Variants in MCF2 observed in about 807,000 individuals in gnomAD.
MCF2 encodes MCF.2 cell line derived transforming sequence, also known as proto-oncogene DBL.
In MCF2, 44 loss-of-function variants were observed where a neutral mutation model predicts 82.5. The observed-to-expected ratio is 0.53, with a 90% CI of 0.42 to 0.69. The LOEUF is 0.69. Ranked by LOEUF, MCF2 falls within the 30% of genes least tolerant of loss-of-function variation. MCF2 has a pLI of 0.00. For missense variants in MCF2, 623 were observed against 663.1 expected, an observed-to-expected ratio of 0.94 and a Z score of 0.66; for synonymous variants, 217 against 224.9, an observed-to-expected ratio of 0.96 and a Z score of 0.32.
At chrX:139,624,538 A>C (rs1488077172) in intron 6 of MCF2, among the ~76,000 whole-genome samples, 1 of 110,102 alleles carries the variant, frequency 9.1e-6, no homozygotes, top group African/African-American at 3.3e-5. Context: ...TCTCAAAAAA[A>C]AAAAAAAAGG....
intron 22 of MCF2, 89 bp downstream of exon 26, chrX:139,587,627 G>C (rs1929090685): frequency 1.6e-6 from 1 of 611,740 alleles, no homozygotes; most frequent in East Asian, 3.4e-5. Flanking sequence ...GATGGTTCTT[G>C]TCAGAGATAC....
At chrX:139,589,766 G>C in intron 20 of MCF2, 69 bp downstream of exon 24, 1 of 760,073 alleles carries the variant, frequency 1.3e-6, no homozygotes, top group Non-Finnish European at 2.0e-6. Context: ...AATTATTTTT[G>C]TTTATAAATT....
At chrX:139,598,344 T>C in intron 17 of MCF2, 62 bp downstream of exon 21, 1 of 748,072 alleles carries the variant, frequency 1.3e-6, no homozygotes, top group Non-Finnish European at 2.0e-6. Context: ...ATTTCCTTTT[T>C]AATGGCTCTG....
chrX:139,652,422 A>G (rs978838673), intron 1 of MCF2, among the ~76,000 whole-genome samples: 42 of 111,526 alleles, frequency 3.8e-4, no homozygotes, highest in African/African-American at 1.3e-3. Flanking sequence ...ACAAGGTACC[A>G]TGCAAACTAA....
chrX:139,632,494 G>T (rs750551106), intron 1 of MCF2, 40 bp from the exon 5 acceptor site: 2 of 1,143,243 alleles, frequency 1.7e-6, no homozygotes, highest in South Asian at 2.0e-5. Flanking sequence ...AAAAAAAATT[G>T]TCAACACACA....
intron 1 of MCF2, among the ~76,000 whole-genome samples, chrX:139,676,190 T>C (rs771527466): frequency 2.7e-5 from 3 of 112,397 alleles, no homozygotes; most frequent in African/African-American, 9.7e-5. Context: ...AGCACAGTAT[T>C]TGGGCGGGAG....
intron 7 of MCF2, 60 bp downstream of exon 10, chrX:139,619,527 C>T: frequency 1.1e-6 from 1 of 899,010 alleles, no homozygotes; most frequent in East Asian, 3.5e-5. Context: ...ACTACCTACT[C>T]CCGCCAAAAC....
intron 15 of MCF2, among the ~76,000 whole-genome samples, chrX:139,604,178 G>T (rs1930789518): frequency 9.0e-6 from 1 of 111,620 alleles, no homozygotes; most frequent in Non-Finnish European, 1.9e-5. Context: ...TTTGTTGAAT[G>T]AAAAGAACTG....
chrX:139,616,597 TAA>T (rs370918316), intron 8 of MCF2, 124 bp from the exon 12 acceptor site: 48 of 285,273 alleles, frequency 1.7e-4, no homozygotes, highest in African/African-American at 2.9e-4. Flanking sequence ...TCAGAGCTGT[TAA>T]AAAAAAAAAA....
chrX:139,614,160 A>T (rs982710483), intron 10 of MCF2, among the ~76,000 whole-genome samples: 1 of 111,236 alleles, frequency 9.0e-6, no homozygotes, highest in Non-Finnish European at 1.9e-5. Context: ...GGAACCCCTG[A>T]GCCATCCATA....
At chrX:139,596,065 T>G (rs1270404942) in intron 19 of MCF2, among the ~76,000 whole-genome samples, 1 of 110,279 alleles carries the variant, frequency 9.1e-6, no homozygotes, top group Non-Finnish European at 1.9e-5. Context: ...AGCTAGGGAG[T>G]GGAGGAGGAA....
intron 1 of MCF2, among the ~76,000 whole-genome samples, chrX:139,636,563 G>A (rs1244256030): frequency 2.7e-5 from 3 of 110,785 alleles, no homozygotes; most frequent in Non-Finnish European, 5.7e-5. Context: ...GGGAGGAGGG[G>A]ATGGGAGGAT....
chrX:139,585,068 T>C (rs1240331741), exon 24 of MCF2: 1 of 1,164,965 alleles, frequency 8.6e-7, no homozygotes, highest in Non-Finnish European at 1.2e-6. Context: ...TTACTAACCA[T>C]GAGGGGCCTA....
Position 139,622,755 on chromosome X carries a change from T to G in MCF2, c.688-3049A>C, listed in dbSNP as rs184806129. On this transcript the variant is annotated intron_variant, in intron 6 of 24. Coordinates refer to ENST00000370576, the Ensembl canonical transcript of MCF2. ...GTGGGGTGGGGGGCGAGGGGAGGGATAGCATTAGGAGATATACCTAATGCT... is the reference window on the plus strand; with the variant it reads ...GTGGGGTGGGGGGCGAGGGGAGGGAGAGCATTAGGAGATATACCTAATGCT... Among the ~76,000 whole-genome samples the G allele has an allele frequency of 4.2e-3, 460 of 109,625 alleles. 3 individuals are homozygous for G. Among genetic ancestry groups the G allele is most frequent in the Middle Eastern group, 0.038 (8 of 211 alleles).
chrX:139,700,472 G>C (rs758239722), intron 1 of MCF2, among the ~76,000 whole-genome samples: 2 of 111,959 alleles, frequency 1.8e-5, no homozygotes, highest in South Asian at 7.6e-4. Flanking sequence ...ATAGAATATT[G>C]ATATTTTGGC....
At chrX:139,599,019 T>C (rs1320709363) in intron 16 of MCF2, among the ~76,000 whole-genome samples, 2 of 109,912 alleles carry the variant, frequency 1.8e-5, no homozygotes, top group Middle Eastern at 4.7e-3. Flanking sequence ...GGTCATGATG[T>C]TGGGTTCCGG....
chrX:139,639,464 G>T (rs965631562), intron 1 of MCF2, among the ~76,000 whole-genome samples: 5 of 111,027 alleles, frequency 4.5e-5, no homozygotes, highest in East Asian at 2.8e-4. Flanking sequence ...ATCACTGTAC[G>T]TGGTCCCACC....
chrX:139,646,863 T>C, upstream of MCF2: 1 of 1,188,891 alleles, frequency 8.4e-7, no homozygotes, highest in East Asian at 3.0e-5. Flanking sequence ...TACAGTTTTC[T>C]GGAAACGTAA....
chrX:139,686,057 C>A (rs1277649670), intron 1 of MCF2, among the ~76,000 whole-genome samples: 1 of 56,576 alleles, frequency 1.8e-5, no homozygotes, highest in African/African-American at 6.6e-5. Context: ...CAAAATTCAA[C>A]ACCCCTTCAC....
Sources: gnomAD v4.1 joint callset for allele counts (sites outside exome capture counted in the v4.1 genomes callset) on GRCh38, gnomAD v4.1.1 for gene constraint, MANE v1.5 for transcripts, NCBI Gene and HGNC (gene_info 2026-07-23, HGNC 2026-07-21) for gene names.